The following ADK variants were observed in gnomAD, a reference collection of about 807,000 sequenced individuals.
ADK encodes the protein adenosine kinase.
A neutral mutation model predicts 44.7 loss-of-function variants in ADK; 24 were observed. The observed-to-expected ratio is 0.54, with a 90% CI of 0.39 to 0.76. The LOEUF is 0.76. ADK is among the 30% of genes least tolerant of loss of function. The pLI is 0.00. For missense variants in ADK, 321 were observed against 425.1 expected, an observed-to-expected ratio of 0.76 and a Z score of 2.15; for synonymous variants, 128 against 142.6, an observed-to-expected ratio of 0.90 and a Z score of 0.73.
intron 10 of ADK, among the ~76,000 whole-genome samples, chr10:74,692,928 C>T (rs2134271409): frequency 6.6e-6 from 1 of 152,198 alleles, no homozygotes; most frequent in Non-Finnish European, 1.5e-5. Context: ...CTGTATATCA[C>T]ATTCTAGAAA....
intron 1 of ADK, among the ~76,000 whole-genome samples, chr10:74,175,241 A>G (rs1357915155): frequency 6.6e-6 from 1 of 152,120 alleles, no homozygotes; most frequent in Non-Finnish European, 1.5e-5. Context: ...AAATTTAGCC[A>G]GGTACGGTGG....
Position 74,295,846 on chromosome 10 carries a change from A to AT in ADK, c.195-18817dup, listed in dbSNP as rs1839792245. Among the ~76,000 whole-genome samples the AT allele has an allele frequency of 3.3e-5, 5 of 151,678 alleles. No individual in the cohort carries two copies. In the South Asian group the frequency reaches 1.0e-3, roughly 31 times the overall value. ...AATTTCTTTTTCTAAGTATTTGTAC[A>AT]TTTTGTCTTAAGTGTTAAAATGCGT... On this transcript the variant is annotated intron_variant, in intron 3 of 10. Coordinates refer to ENST00000539909, the MANE Select transcript of ADK (RefSeq NM_006721.4).
At chr10:74,174,732 T>G (rs1842271825) in intron 1 of ADK, 1 of 152,254 alleles carries the variant, frequency 6.6e-6, no homozygotes, top group African/African-American at 2.4e-5. Flanking sequence ...TTGTGGACCT[T>G]CGGTCAAAGT....
intron 3 of ADK, among the ~76,000 whole-genome samples, chr10:74,309,508 C>T (rs561052182): frequency 1.3e-5 from 2 of 152,234 alleles, no homozygotes; most frequent in Admixed American, 6.5e-5. Context: ...TAAGCTGTAC[C>T]TTCAGAATTG....
intron 4 of ADK, among the ~76,000 whole-genome samples, chr10:74,355,418 T>A (rs544297868): frequency 6.6e-6 from 1 of 152,338 alleles, no homozygotes; most frequent in Admixed American, 6.5e-5. Flanking sequence ...CGTATATACT[T>A]AGCCTTGTGC....
intron 6 of ADK, among the ~76,000 whole-genome samples, chr10:74,471,397 T>A (rs1234097989): frequency 6.6e-6 from 1 of 152,182 alleles, no homozygotes; most frequent in Non-Finnish European, 1.5e-5. Context: ...CTGTTTTGAT[T>A]GCTGTTGCTT....
chr10:74,481,956 T>C (rs1847088557), intron 6 of ADK, among the ~76,000 whole-genome samples: 1 of 152,232 alleles, frequency 6.6e-6, no homozygotes, highest in Non-Finnish European at 1.5e-5. Context: ...GATTTTCTTT[T>C]CCTTAACCCT....
intron 1 of ADK, chr10:74,176,350 A>C (rs1842336600): frequency 1.6e-6 from 1 of 621,390 alleles, no homozygotes; most frequent in African/African-American, 2.0e-5. Context: ...CCACCTTTGC[A>C]GATGGATTTT....
At chr10:74,246,310 G>C (rs755785414) in intron 3 of ADK, among the ~76,000 whole-genome samples, 12 of 152,162 alleles carry the variant, frequency 7.9e-5, no homozygotes, top group Non-Finnish European at 1.5e-4. Flanking sequence ...TAGCAGTTCT[G>C]TCAAAAGACA....
chr10:74,579,480 C>A (rs1372701996), intron 7 of ADK, among the ~76,000 whole-genome samples: 1 of 152,084 alleles, frequency 6.6e-6, no homozygotes, highest in Non-Finnish European at 1.5e-5. Flanking sequence ...AAAAACCAGA[C>A]AAGGTATATA....
chr10:74,365,602 A>G (rs1000549107), intron 4 of ADK, among the ~76,000 whole-genome samples: 2 of 152,216 alleles, frequency 1.3e-5, no homozygotes, highest in African/African-American at 4.8e-5. Context: ...TTTCCTAAGT[A>G]TAAGATCATT....
intron 3 of ADK, among the ~76,000 whole-genome samples, chr10:74,244,402 G>A (rs1845337858): frequency 6.6e-6 from 1 of 152,178 alleles, no homozygotes; most frequent in South Asian, 2.1e-4. Flanking sequence ...GAGCTCAGTG[G>A]AAGGAAGCAT....
intron 4 of ADK, among the ~76,000 whole-genome samples, chr10:74,380,625 G>T (rs527826307): frequency 6.6e-6 from 1 of 152,140 alleles, no homozygotes; most frequent in Non-Finnish European, 1.5e-5. Context: ...GGGTGTGGTG[G>T]CATGCACCTG....
intron 4 of ADK, among the ~76,000 whole-genome samples, chr10:74,367,653 T>G (rs1842536686): frequency 6.6e-6 from 1 of 152,210 alleles, no homozygotes. Flanking sequence ...TTGAGTTACC[T>G]TATGTGTTCA....
At chr10:74,258,675 T>G (rs189051211) in intron 3 of ADK, among the ~76,000 whole-genome samples, 29 of 152,310 alleles carry the variant, frequency 1.9e-4, no homozygotes, top group Admixed American at 1.6e-3. Flanking sequence ...ATCTAGTAAT[T>G]CACATATCAA....
At chr10:74,319,831 A>G (rs1251930550) in intron 4 of ADK, among the ~76,000 whole-genome samples, 1 of 152,196 alleles carries the variant, frequency 6.6e-6, no homozygotes, top group Non-Finnish European at 1.5e-5. Flanking sequence ...ATACCAATGT[A>G]GTTTCAATAA....
intron 6 of ADK, among the ~76,000 whole-genome samples, chr10:74,509,195 GA>G (rs1258904406): frequency 3.2e-4 from 48 of 148,548 alleles, no homozygotes; most frequent in African/African-American, 8.3e-4. Context: ...AATACATTAT[GA>G]TTTTTTTTTT....
intron 9 of ADK, among the ~76,000 whole-genome samples, chr10:74,607,842 A>G (rs1202298827): frequency 6.6e-6 from 1 of 152,030 alleles, no homozygotes; most frequent in African/African-American, 2.4e-5. Flanking sequence ...ACTTGGTTCC[A>G]TTCTCCCCAT....
intron 4 of ADK, among the ~76,000 whole-genome samples, chr10:74,331,918 A>G (rs1841231634): frequency 6.6e-6 from 1 of 152,172 alleles, no homozygotes; most frequent in Non-Finnish European, 1.5e-5. Flanking sequence ...AGTGTTTGCG[A>G]TCTTGGCTCA....
Sources: allele counts gnomAD v4.1 joint callset (sites outside exome capture counted in the v4.1 genomes callset), GRCh38; gene constraint gnomAD v4.1.1; transcripts MANE v1.5; gene names NCBI Gene and HGNC (gene_info 2026-07-23, HGNC 2026-07-21).